Variants in JARID2 observed in about 807,000 individuals in gnomAD.
JARID2 encodes jumonji and AT-rich interaction domain containing 2.
A neutral mutation model predicts 125.6 loss-of-function variants in JARID2; 21 were observed. That is an observed-to-expected ratio of 0.17 (90% confidence interval 0.12 to 0.24). JARID2 has a LOEUF of 0.24. Among genes scored for constraint, JARID2 ranks in the 10% least tolerant of loss-of-function variants. The pLI, the probability that JARID2 is intolerant of heterozygous loss-of-function variation, is 1.00. For missense variants in JARID2, 1,303 were observed against 1,639.6 expected, an observed-to-expected ratio of 0.79 and a Z score of 3.55; for synonymous variants, 736 against 661.6, an observed-to-expected ratio of 1.11 and a Z score of -1.73.
intron 1 of JARID2, among the ~76,000 whole-genome samples, chr6:15,355,702 C>T (rs1485123764): frequency 6.6e-6 from 1 of 152,112 alleles, no homozygotes; most frequent in Non-Finnish European, 1.5e-5. Context: ...ACCTCTGCCT[C>T]CTAGGCTGAA....
intron 4 of JARID2, among the ~76,000 whole-genome samples, chr6:15,465,273 C>A (rs148187790): frequency 6.6e-6 from 1 of 151,998 alleles, no homozygotes; most frequent in Non-Finnish European, 1.5e-5. Context: ...GGCAATGTAG[C>A]GAGATCCCGT....
At chr6:15,258,213 C>CT (rs539792456) in intron 1 of JARID2, among the ~76,000 whole-genome samples, 1 of 152,152 alleles carries the variant, frequency 6.6e-6, no homozygotes, top group Non-Finnish European at 1.5e-5. Context: ...TGTTCTGACA[C>CT]TGTGTTGGGA....
intron 1 of JARID2, among the ~76,000 whole-genome samples, chr6:15,281,472 T>C (rs1187749101): frequency 6.6e-6 from 1 of 152,226 alleles, no homozygotes; most frequent in African/African-American, 2.4e-5. Context: ...TGTACTGCCT[T>C]CCTCAAAAGT....
intron 9 of JARID2, 143 bp downstream of exon 9, chr6:15,504,735 C>T (rs546575656): frequency 2.8e-5 from 17 of 617,426 alleles, no homozygotes; most frequent in East Asian, 1.4e-4. Context: ...CTGTGTTGAG[C>T]GTGCACCAGG....
intron 4 of JARID2, among the ~76,000 whole-genome samples, chr6:15,452,854 GA>G (rs1467107788): frequency 1.3e-5 from 2 of 152,228 alleles, no homozygotes; most frequent in African/African-American, 2.4e-5. Flanking sequence ...GTCATTTCTG[GA>G]GGAATGATAG....
At chr6:15,439,617 C>CTT (rs1031889753) in intron 3 of JARID2, among the ~76,000 whole-genome samples, 21 of 152,156 alleles carry the variant, frequency 1.4e-4, no homozygotes, top group African/African-American at 4.8e-4. Context: ...AACAGGAAGT[C>CTT]TTTGTCTTTT....
At chr6:15,496,044 A>G in intron 6 of JARID2, 88 bp from the exon 7 acceptor site, 1 of 1,069,728 alleles carries the variant, frequency 9.3e-7, no homozygotes, top group Non-Finnish European at 1.4e-6. Context: ...CCCAGCATCC[A>G]GGGTCCTTTC....
At position 15,496,025 on chromosome 6, in the gene JARID2, CTG is replaced by C. The variant is rs1770400303; in HGVS notation, c.907-105_907-104del. 3 of 874,264 alleles carry C rather than the reference CTG, an allele frequency of 3.4e-6. No individual in the cohort carries two copies. In the African/African-American group the frequency reaches 5.0e-5, roughly 15 times the overall value. The allele number at this position is 874,264 out of a possible 1,614,324, so 54.2% of individuals were successfully genotyped here. On this transcript the variant is annotated intron_variant, in intron 6 of 17. Coordinates refer to ENST00000341776, the MANE Select transcript of JARID2 (RefSeq NM_004973.4). ...CTTATCACACTACAGGCTGCTGGCT[CTG>C]TTCATCCCCAGCATCCAGGGTCCTT...
At position 15,358,409 on chromosome 6, in the gene JARID2, T is replaced by TC. The variant is rs1360627451; in HGVS notation, c.46-15705dup. 2.6e-5 allele frequency among the ~76,000 whole-genome samples: 4 copies of TC among 152,324 alleles called. No individual in the cohort carries two copies. The East Asian group carries it at 5.8e-4, about 22-fold the overall frequency. ...ATAAATGAAGAATCACAACAGAGTT[T>TC]CCCGATACTGGTACTAACACACTGT... On this transcript the variant is annotated intron_variant, in intron 1 of 17. Coordinates refer to ENST00000341776, the MANE Select transcript of JARID2 (RefSeq NM_004973.4).
chr6:15,362,983 G>T (rs1377614973), intron 1 of JARID2, among the ~76,000 whole-genome samples: 1 of 151,700 alleles, frequency 6.6e-6, no homozygotes, highest in Non-Finnish European at 1.5e-5. Context: ...GAGGGTTGTG[G>T]TGGGGAGGGA....
intron 4 of JARID2, among the ~76,000 whole-genome samples, chr6:15,465,990 G>A (rs1768712802): frequency 6.6e-6 from 1 of 152,080 alleles, no homozygotes; most frequent in African/African-American, 2.4e-5. Flanking sequence ...TTTTAGTAGA[G>A]ACGGGGTTTC....
At chr6:15,374,572 G>A (rs553065284) in intron 2 of JARID2, among the ~76,000 whole-genome samples, 1 of 152,356 alleles carries the variant, frequency 6.6e-6, no homozygotes, top group Admixed American at 6.5e-5. Context: ...GAAATGTGGA[G>A]TCTTTAGTTC....
At chr6:15,326,896 G>A (rs1336096306) in intron 1 of JARID2, among the ~76,000 whole-genome samples, 1 of 152,230 alleles carries the variant, frequency 6.6e-6, no homozygotes, top group Non-Finnish European at 1.5e-5. Context: ...TTCCCCTACT[G>A]TCAGTCTCAT....
intron 1 of JARID2, among the ~76,000 whole-genome samples, chr6:15,263,357 G>T (rs1051150135): frequency 7.2e-5 from 11 of 151,996 alleles, no homozygotes; most frequent in Non-Finnish European, 1.5e-4. Flanking sequence ...ATGGGGAGTA[G>T]AATGACCTAG....
intron 2 of JARID2, among the ~76,000 whole-genome samples, chr6:15,405,113 T>G (rs1765595919): frequency 6.6e-6 from 1 of 152,196 alleles, no homozygotes; most frequent in Admixed American, 6.5e-5. Flanking sequence ...TGTGTTTCAA[T>G]TTTCCCAACG....
At chr6:15,501,829 T>C (rs1770751923) in intron 8 of JARID2, among the ~76,000 whole-genome samples, 1 of 152,142 alleles carries the variant, frequency 6.6e-6, no homozygotes, top group Non-Finnish European at 1.5e-5. Flanking sequence ...CGTGCACACA[T>C]CTCCATATGC....
intron 1 of JARID2, chr6:15,324,527 G>C (rs1330786563): frequency 6.6e-6 from 1 of 151,796 alleles, no homozygotes; most frequent in African/African-American, 2.4e-5. Flanking sequence ...GACAGTCTTT[G>C]AACCAGGCTG....
chr6:15,392,295 T>G (rs1329617185), intron 2 of JARID2, among the ~76,000 whole-genome samples: 1 of 152,170 alleles, frequency 6.6e-6, no homozygotes, highest in Non-Finnish European at 1.5e-5. Context: ...TGGGGCTCTT[T>G]AACAGTTCCA....
intron 5 of JARID2, among the ~76,000 whole-genome samples, chr6:15,482,677 T>G (rs189744285): frequency 6.6e-6 from 1 of 152,332 alleles, no homozygotes; most frequent in East Asian, 1.9e-4. Flanking sequence ...TGGATAAATA[T>G]GTATGTACAT....
Sources: allele counts gnomAD v4.1 joint callset (sites outside exome capture counted in the v4.1 genomes callset), GRCh38; gene constraint gnomAD v4.1.1; transcripts MANE v1.5; gene names NCBI Gene and HGNC (gene_info 2026-07-23, HGNC 2026-07-21).